Variants in THRB observed in about 807,000 individuals in gnomAD.
THRB encodes thyroid hormone receptor beta.
A neutral mutation model predicts 47.8 loss-of-function variants in THRB; 12 were observed. The ratio of observed to expected loss-of-function variants is 0.25; its 90% CI spans 0.16 to 0.41. The LOEUF is 0.41. THRB is among the 10% of genes least tolerant of loss of function. THRB has a pLI of 1.00. For synonymous variants in THRB, 218 were observed against 212.2 expected, an observed-to-expected ratio of 1.03 and a Z score of -0.24; for missense variants, 348 against 589.2, an observed-to-expected ratio of 0.59 and a Z score of 4.24.
At chr3:24,464,179 G>A (rs1409668432) in intron 1 of THRB, among the ~76,000 whole-genome samples, 2 of 151,570 alleles carry the variant, frequency 1.3e-5, no homozygotes, top group Admixed American at 1.3e-4. Context: ...CCGGGAGGCG[G>A]AGCCTGCAGT....
intron 3 of THRB, among the ~76,000 whole-genome samples, chr3:24,241,141 G>T (rs1033059279): frequency 8.5e-5 from 13 of 152,084 alleles, no homozygotes; most frequent in Admixed American, 6.5e-5. Context: ...TGTACCCATT[G>T]GGCACTTTGA....
chr3:24,135,546 C>G (rs1012727783), intron 8 of THRB, among the ~76,000 whole-genome samples: 1 of 152,114 alleles, frequency 6.6e-6, no homozygotes, highest in Admixed American at 6.5e-5. Context: ...TCGGCTGGCT[C>G]TCTGGGAGCA....
intron 1 of THRB, among the ~76,000 whole-genome samples, chr3:24,416,423 G>T (rs534616252): frequency 6.6e-6 from 1 of 151,956 alleles, no homozygotes; most frequent in South Asian, 2.1e-4. Flanking sequence ...TGCTTTTCAG[G>T]AACTGTACTT....
At chr3:24,368,676 G>A (rs116023247) in intron 1 of THRB, among the ~76,000 whole-genome samples, 5,115 of 152,246 alleles carry the variant, frequency 0.034, 291 homozygotes, top group African/African-American at 0.12. Flanking sequence ...AGAAGCCAAT[G>A]AAGGCCATGA....
At chr3:24,212,208 T>C (rs906584944) in intron 4 of THRB, among the ~76,000 whole-genome samples, 6 of 151,632 alleles carry the variant, frequency 4.0e-5, no homozygotes, top group African/African-American at 1.5e-4. Flanking sequence ...ACCAGCCTGG[T>C]CAACATAATG....
chr3:24,121,260 C>G lies in THRB; in HGVS notation c.*1624G>C, dbSNP rs2148767593. ...AATCTACCAGTTGACAGAGCACGAA[C>G]TAGAACTCAGGCACCCAGACTTCTG... is the stretch of plus-strand genomic sequence containing the variant. On this transcript the variant is annotated 3_prime_UTR_variant, in exon 11 of 11. Coordinates refer to ENST00000646209, the MANE Select transcript of THRB (RefSeq NM_001354712.2). 6.5e-6 allele frequency: 1 copy of G among 152,724 alleles called. No individual in the cohort carries two copies. Among genetic ancestry groups the G allele is most frequent in the East Asian group, 1.9e-4 (1 of 5,188 alleles). The allele number at this position is 152,724 out of a possible 1,614,324, so 9.5% of individuals were successfully genotyped here. A position where few individuals can be genotyped will look rare whatever the true frequency, so the allele number is the denominator to read the frequency against.
chr3:24,472,344 C>T (rs918068644), intron 1 of THRB, among the ~76,000 whole-genome samples: 1 of 152,154 alleles, frequency 6.6e-6, no homozygotes, highest in South Asian at 2.1e-4. Context: ...CAAAACAACA[C>T]ATATCCCAGC....
chr3:24,405,518 A>G (rs1349362987), intron 1 of THRB, among the ~76,000 whole-genome samples: 2 of 151,910 alleles, frequency 1.3e-5, no homozygotes, highest in African/African-American at 4.8e-5. Context: ...CATATTTGTA[A>G]TACTACTTTA....
chr3:24,386,929 G>T (rs1045545515), intron 1 of THRB, among the ~76,000 whole-genome samples: 14 of 152,078 alleles, frequency 9.2e-5, no homozygotes, highest in Non-Finnish European at 1.9e-4. Flanking sequence ...ACAGCCCTTT[G>T]TACTTATTAG....
chr3:24,236,658 T>A (rs2048905818), intron 3 of THRB, among the ~76,000 whole-genome samples: 1 of 152,168 alleles, frequency 6.6e-6, no homozygotes, highest in South Asian at 2.1e-4. Context: ...CTCCTTCACC[T>A]GCCCTGCCAT....
intron 5 of THRB, among the ~76,000 whole-genome samples, chr3:24,174,690 G>C (rs546052725): frequency 6.6e-6 from 1 of 152,202 alleles, no homozygotes; most frequent in South Asian, 2.1e-4. Context: ...CAGTTTTGTT[G>C]AACAGCATCT....
chr3:24,357,527 T>G (rs1434089685), intron 1 of THRB, among the ~76,000 whole-genome samples: 1 of 152,008 alleles, frequency 6.6e-6, no homozygotes, highest in Non-Finnish European at 1.5e-5. Context: ...AAACCTTATT[T>G]ATCTTCCCAG....
chr3:24,128,051 C>T (rs2033195225), intron 9 of THRB, among the ~76,000 whole-genome samples: 1 of 152,198 alleles, frequency 6.6e-6, no homozygotes, highest in South Asian at 2.1e-4. Flanking sequence ...GTGCTAATAA[C>T]CCCTCAGTTT....
intron 5 of THRB, among the ~76,000 whole-genome samples, chr3:24,182,466 T>C (rs961085502): frequency 1.3e-5 from 2 of 152,192 alleles, no homozygotes; most frequent in Non-Finnish European, 2.9e-5. Context: ...GATTTGGCTA[T>C]TACATCTGTT....
At chr3:24,267,881 C>A (rs826233) in intron 3 of THRB, among the ~76,000 whole-genome samples, 2 of 152,120 alleles carry the variant, frequency 1.3e-5, no homozygotes, top group African/African-American at 4.8e-5. Context: ...CTGAAGAAAG[C>A]CTTCCTTATC....
chr3:24,147,986 T>C (rs1304870068), intron 6 of THRB, among the ~76,000 whole-genome samples: 2 of 152,174 alleles, frequency 1.3e-5, no homozygotes, highest in African/African-American at 2.4e-5. Context: ...TTATATGATG[T>C]ATAATGAAGT....
rs75827355 is a variant in THRB, at chr3:24,272,848, T to C, written c.-43+24378A>G. On this transcript the variant is annotated intron_variant, in intron 3 of 10. Coordinates refer to ENST00000646209, the MANE Select transcript of THRB (RefSeq NM_001354712.2). ...TCGCAGGATTATTTTACTCTTCCTA[T>C]GGTCTTTCCTCCTATTAAAGTTCAT... 5.0e-3 allele frequency among the ~76,000 whole-genome samples: 759 copies of C among 152,350 alleles called. 6 individuals carry two copies. The highest frequency in any genetic ancestry group is 0.017 in the African/African-American group (712 of 41,590).
intron 1 of THRB, among the ~76,000 whole-genome samples, chr3:24,396,473 G>T (rs1192751142): frequency 6.6e-6 from 1 of 152,062 alleles, no homozygotes; most frequent in Admixed American, 6.6e-5. Flanking sequence ...TGACATCTTT[G>T]AAGTGAGGTG....
At chr3:24,192,586 T>C (rs1276375268) in intron 4 of THRB, among the ~76,000 whole-genome samples, 1 of 152,124 alleles carries the variant, frequency 6.6e-6, no homozygotes, top group Non-Finnish European at 1.5e-5. Context: ...CATTACTCCC[T>C]AGGGAAACAA....
Sources: allele counts gnomAD v4.1 joint callset (sites outside exome capture counted in the v4.1 genomes callset), GRCh38; gene constraint gnomAD v4.1.1; transcripts MANE v1.5; gene names NCBI Gene and HGNC (gene_info 2026-07-23, HGNC 2026-07-21).